Variants in IL7 observed in about 807,000 individuals in gnomAD.
IL7 encodes interleukin-7.
In IL7, 3 loss-of-function variants were observed where a neutral mutation model predicts 21.6. The observed-to-expected ratio is 0.14, with a 90% CI of 0.06 to 0.36. The LOEUF is 0.36. IL7 is among the 10% of genes least tolerant of loss of function. The pLI is 1.00. For missense variants in IL7, 175 were observed against 200.2 expected, an observed-to-expected ratio of 0.87 and a Z score of 0.76; for synonymous variants, 62 against 68.1, an observed-to-expected ratio of 0.91 and a Z score of 0.44.
intron 3 of IL7, among the ~76,000 whole-genome samples, chr8:78,705,874 C>A (rs1228525648): frequency 6.6e-6 from 1 of 151,980 alleles, no homozygotes; most frequent in Non-Finnish European, 1.5e-5. Flanking sequence ...TTTCCTAGAG[C>A]AGCTGTGTTG....
intron 1 of IL7, 77 bp from the exon 2 acceptor site, chr8:78,798,285 AC>A: frequency 1.0e-6 from 1 of 966,846 alleles, no homozygotes; most frequent in Non-Finnish European, 1.5e-6. Flanking sequence ...AATGGACTGG[AC>A]CACTAATTTC....
At position 78,733,521 on chromosome 8, in the gene IL7, G is replaced by A; in HGVS notation, c.*192C>T. On this transcript the variant is annotated 3_prime_UTR_variant, in exon 6 of 6. Coordinates refer to ENST00000263851, the MANE Select transcript of IL7 (RefSeq NM_000880.4). ...TATAAGAAATAGTTTGTTGACTGGAGCATTCAGTTTCCATTGTTTGTATTC... is the reference window on the plus strand; with the variant it reads ...TATAAGAAATAGTTTGTTGACTGGAACATTCAGTTTCCATTGTTTGTATTC... The A allele has an allele frequency of 4.1e-6, 2 of 492,006 alleles. No individual in the cohort carries two copies. Among genetic ancestry groups the A allele is most frequent in the East Asian group, 3.9e-5 (1 of 25,664 alleles). The allele number at this position is 492,006 out of a possible 1,614,324, so 30.5% of individuals were successfully genotyped here.
chr8:78,761,031 G>A (rs1269006419), intron 2 of IL7: 36 of 1,611,904 alleles, frequency 2.2e-5, no homozygotes, highest in East Asian at 4.5e-5. Flanking sequence ...ACAAATGCTC[G>A]GCCAGCTATA....
chr8:78,711,375 T>A (rs1175605917), intron 3 of IL7, among the ~76,000 whole-genome samples: 1 of 152,090 alleles, frequency 6.6e-6, no homozygotes, highest in African/African-American at 2.4e-5. Flanking sequence ...TCAAAATGTG[T>A]GTGTGTATAT....
At chr8:78,718,396 A>G (rs1471445872) in intron 6 of IL7, 1 of 151,980 alleles carries the variant, frequency 6.6e-6, no homozygotes, top group African/African-American at 2.4e-5. Context: ...TTTGTATCTG[A>G]ATTTAGAATA....
chr8:78,733,535 T>G lies in IL7; in HGVS notation c.*178A>C. On this transcript the variant is annotated 3_prime_UTR_variant, in exon 6 of 6. Transcript: ENST00000263851. The stretch of plus-strand genomic sequence containing the variant: ...TGTTGACTGGAGCATTCAGTTTCCA[T>G]TGTTTGTATTCATCTTCTAGTAATA... 3.8e-6 allele frequency: 2 copies of G among 533,196 alleles called. No homozygotes were observed. The highest frequency in any genetic ancestry group is 6.5e-6 in the Non-Finnish European group (2 of 309,312). 33.0% of individuals were successfully genotyped at this position (533,196 alleles called of 1,614,324 possible). A position where few individuals can be genotyped will look rare whatever the true frequency, so the allele number is the denominator to read the frequency against.
rs1268864925 is a variant in IL7 at position 78,797,983 on chromosome 8, G to T, written c.147+89C>A. The T allele has an allele frequency of 4.0e-6, 4 of 990,214 alleles. No individual in the cohort carries two copies. The African/African-American group carries it at 6.5e-5, about 16-fold the overall frequency. 61.3% of individuals were successfully genotyped at this position (990,214 alleles called of 1,614,324 possible). Reference sequence around the variant, plus strand: ...GTTACTTCACTTTCTTGTCAAGAAAGATGAATACTTGATTATAAAACTGCA... The same window carrying T: ...GTTACTTCACTTTCTTGTCAAGAAATATGAATACTTGATTATAAAACTGCA... On this transcript the variant is annotated intron_variant, in intron 2 of 5. Transcript: ENST00000263851.
At chr8:78,800,434 A>G (rs541006041) in intron 1 of IL7, among the ~76,000 whole-genome samples, 8 of 152,176 alleles carry the variant, frequency 5.3e-5, no homozygotes, top group Middle Eastern at 3.4e-3. Flanking sequence ...AGTAGCTAGG[A>G]CTACAGGGTG....
intron 2 of IL7, among the ~76,000 whole-genome samples, chr8:78,785,855 T>G (rs1419841468): frequency 6.6e-6 from 1 of 152,222 alleles, no homozygotes; most frequent in African/African-American, 2.4e-5. Flanking sequence ...AGCCACAGTA[T>G]TATCTGCTCT....
In IL7 at chr8:78,678,686, A is replaced by G. The variant is rs746296890; in HGVS notation, n.274-2582T>C. 9 of 1,593,190 alleles carry G rather than the reference A, an allele frequency of 5.6e-6. No individual in the cohort carries two copies. The African/African-American group carries it at 6.8e-5, about 12-fold the overall frequency. On this transcript the variant is annotated intron_variant and non_coding_transcript_variant, in intron 4 of 4. Transcript: ENST00000523959. ...AAAACCTCTCAAACCGAGGGTAACTATATAACCTTTTGAACAGTATGAACT... is the reference window on the plus strand; with the variant it reads ...AAAACCTCTCAAACCGAGGGTAACTGTATAACCTTTTGAACAGTATGAACT...
chr8:78,761,102 T>C, intron 2 of IL7: 1 of 1,595,412 alleles, frequency 6.3e-7, no homozygotes, highest in East Asian at 2.2e-5. Flanking sequence ...AACAAGTGCT[T>C]GCAGGAGTTC....
intron 3 of IL7, among the ~76,000 whole-genome samples, chr8:78,723,387 C>G (rs1291708339): frequency 6.6e-6 from 1 of 151,910 alleles, no homozygotes; most frequent in East Asian, 1.9e-4. Context: ...CTGGATCTAT[C>G]ACTGGCAACC....
At chr8:78,773,707 G>T (rs538696389) in intron 2 of IL7, among the ~76,000 whole-genome samples, 2 of 152,244 alleles carry the variant, frequency 1.3e-5, no homozygotes, top group South Asian at 4.1e-4. Flanking sequence ...CAGCGATATG[G>T]CATGATCTGA....
At chr8:78,797,914 C>G in intron 2 of IL7, 158 bp downstream of exon 2, 2 of 479,820 alleles carry the variant, frequency 4.2e-6, no homozygotes, top group South Asian at 1.0e-4. Flanking sequence ...ATTATGTCAG[C>G]TATAAAAATA....
At chr8:78,727,082 G>A (rs1470388215) in intron 3 of IL7, among the ~76,000 whole-genome samples, 1 of 151,868 alleles carries the variant, frequency 6.6e-6, no homozygotes, top group Non-Finnish European at 1.5e-5. Context: ...TACATCTGTG[G>A]GCCTCTATGC....
downstream of IL7, among the ~76,000 whole-genome samples, chr8:78,715,739 C>T (rs11988570): frequency 0.16 from 23,949 of 151,986 alleles, 2,048 homozygotes; most frequent in Middle Eastern, 0.3. Context: ...TGCAGTCTCA[C>T]GATAAAACTG....
intron 3 of IL7, among the ~76,000 whole-genome samples, chr8:78,709,212 T>C (rs908607980): frequency 2.6e-5 from 4 of 152,036 alleles, no homozygotes; most frequent in African/African-American, 9.7e-5. Flanking sequence ...CACCTAAAAT[T>C]AGAGCAACCA....
intron 3 of IL7, among the ~76,000 whole-genome samples, chr8:78,692,604 G>A (rs970954336): frequency 2.6e-5 from 4 of 152,040 alleles, no homozygotes; most frequent in African/African-American, 9.7e-5. Context: ...AGTGTAGGTG[G>A]TTAAATCCAG....
At chr8:78,759,166 A>T (rs939790725) in intron 2 of IL7, among the ~76,000 whole-genome samples, 6 of 135,876 alleles carry the variant, frequency 4.4e-5, no homozygotes, top group African/African-American at 1.4e-4. Flanking sequence ...GTATATATAT[A>T]TTTTAATTTC....
Sources: gnomAD v4.1 joint callset for allele counts (sites outside exome capture counted in the v4.1 genomes callset) on GRCh38, gnomAD v4.1.1 for gene constraint, MANE v1.5 for transcripts, NCBI Gene and HGNC (gene_info 2026-07-23, HGNC 2026-07-21) for gene names.